C1orf94: variants seen among roughly 807,000 people sequenced by gnomAD.
C1orf94 encodes the protein chromosome 1 open reading frame 94.
A neutral mutation model predicts 53.6 loss-of-function variants in C1orf94; 45 were observed. The observed-to-expected ratio is 0.84, with a 90% CI of 0.66 to 1.08. The LOEUF (loss-of-function observed/expected upper bound fraction) is 1.08. Ranked by LOEUF, C1orf94 falls within the 50% of genes least tolerant of loss-of-function variation. The pLI, the probability that C1orf94 is intolerant of heterozygous loss-of-function variation, is 0.00. For missense variants in C1orf94, 762 were observed against 738.9 expected, an observed-to-expected ratio of 1.03 and a Z score of -0.36; for synonymous variants, 304 against 296.1, an observed-to-expected ratio of 1.03 and a Z score of -0.27.
chr1:34,204,547 C>T (rs1410647588), intron 4 of C1orf94, among the ~76,000 whole-genome samples: 2 of 152,162 alleles, frequency 1.3e-5, no homozygotes, highest in African/African-American at 2.4e-5. Flanking sequence ...TTCATTGATT[C>T]GCTGACTCCT....
At chr1:34,189,344 A>T (rs1322509567) in intron 1 of C1orf94, among the ~76,000 whole-genome samples, 3 of 150,348 alleles carry the variant, frequency 2.0e-5, no homozygotes, top group Admixed American at 6.6e-5. Flanking sequence ...TATGTGCCCG[A>T]GTGTGTGTGT....
In C1orf94 at chr1:34,197,961, C is replaced by G. The variant is rs1317691614; in HGVS notation, c.1009+48C>G. ...TAGAGTGGGCCTGCAAGGAGGAGGT[C>G]CTTCCCAGGAAGCCAATCAGGGCTG... is the stretch of plus-strand genomic sequence containing the variant. On this transcript the variant is annotated intron_variant, in intron 2 of 6. Transcript: ENST00000488417. This position sits in a 1 kb window ranked among gnomAD's most constrained non-coding sequence, Gnocchi z 4.1. The G allele has an allele frequency of 3.3e-6, 5 of 1,531,720 alleles. No homozygotes were observed. Among genetic ancestry groups the G allele is most frequent in the Non-Finnish European group, 4.4e-6 (5 of 1,135,114 alleles). The allele number at this position is 1,531,720 out of a possible 1,614,324, so 94.9% of individuals were successfully genotyped here. A position where few individuals can be genotyped will look rare whatever the true frequency, so the allele number is the denominator to read the frequency against.
At chr1:34,187,672 A>G (rs1642403797) in intron 1 of C1orf94, among the ~76,000 whole-genome samples, 1 of 151,810 alleles carries the variant, frequency 6.6e-6, no homozygotes. Context: ...AATTTGAACA[A>G]TAAGCATCAC....
intron 1 of C1orf94, among the ~76,000 whole-genome samples, chr1:34,191,148 A>T (rs1642473872): frequency 1.3e-5 from 2 of 152,206 alleles, no homozygotes; most frequent in African/African-American, 4.8e-5. Flanking sequence ...ACGTCTTACA[A>T]ATTAGGATGA....
At chr1:34,188,445 GA>G (rs1642421573) in intron 1 of C1orf94, among the ~76,000 whole-genome samples, 1 of 152,198 alleles carries the variant, frequency 6.6e-6, no homozygotes, top group Admixed American at 6.5e-5. Flanking sequence ...GGAGCTGAGA[GA>G]TTTCACGGTG....
At chr1:34,203,257 C>G (rs1464564876) in intron 4 of C1orf94, among the ~76,000 whole-genome samples, 1 of 152,182 alleles carries the variant, frequency 6.6e-6, no homozygotes, top group Admixed American at 6.5e-5. Context: ...CCTACCTCAG[C>G]CTCCCAAGTA....
chr1:34,215,838 T>G (rs961657915), intron 6 of C1orf94, among the ~76,000 whole-genome samples: 7 of 152,068 alleles, frequency 4.6e-5, no homozygotes, highest in African/African-American at 1.4e-4. Flanking sequence ...AAACCCCATC[T>G]CTACTAAAAA....
rs777332430 is a variant in C1orf94 at position 34,212,360 on chromosome 1, C to T, written c.1675C>T (p.Leu559=). Residue 559 remains leucine (L), a synonymous_variant, in exon 6 of 7, where the codon CTA becomes TTA. Transcript: ENST00000488417. ...KMSANPRDPP[L]MAGDGPQYLF... ...GTCTGCCAACCCCCGAGACCCTCCC[C>T]TAATGGCAGGAGATGGACCGCAGTA... The T allele has an allele frequency of 1.2e-6, 2 of 1,613,672 alleles. No individual in the cohort carries two copies. Among genetic ancestry groups the T allele is most frequent in the South Asian group, 1.1e-5 (1 of 91,000 alleles).
At chr1:34,179,234 C>T (rs931930463) in intron 1 of C1orf94, among the ~76,000 whole-genome samples, 3 of 152,260 alleles carry the variant, frequency 2.0e-5, no homozygotes, top group African/African-American at 7.2e-5. Flanking sequence ...AGTCCTGCCT[C>T]CCTGCCCTGT....
In C1orf94 at chr1:34,197,468, G is replaced by T. The variant is rs1444749830; in HGVS notation, c.564G>T (p.Lys188Asn). 3.1e-6 allele frequency: 5 copies of T among 1,613,994 alleles called. No individual in the cohort carries two copies. Among genetic ancestry groups the T allele is most frequent in the Non-Finnish European group, 3.4e-6 (4 of 1,180,012 alleles). Residue 188 changes from lysine (K) to asparagine (N), a missense_variant, in exon 2 of 7, where the codon AAG becomes AAT. Lys to Asn is a moderately conservative substitution (Grantham distance 94). Coordinates refer to ENST00000488417, the MANE Select transcript of C1orf94 (RefSeq NM_001134734.2). The surrounding 1 kb of genome is among the most constrained non-coding windows in gnomAD (Gnocchi z 4.1). ...TCGGAGACAAGCTTCTGAAGCAGAA[G>T]GTGGCCATGCCCGTTATCAGCAGCA... ...IIVGDKLLKQKVAMPVISSRQ... is the reference protein window; with the variant it reads ...IIVGDKLLKQNVAMPVISSRQ...
intron 1 of C1orf94, among the ~76,000 whole-genome samples, chr1:34,189,250 G>C (rs1236438159): frequency 6.6e-6 from 1 of 152,010 alleles, no homozygotes; most frequent in African/African-American, 2.4e-5. Context: ...TGTGGGCATG[G>C]CTGTGGTACG....
chr1:34,207,266 T>G (rs1287560618), intron 4 of C1orf94, among the ~76,000 whole-genome samples: 19 of 8,880 alleles, frequency 2.1e-3, no homozygotes, highest in African/African-American at 5.4e-3. Context: ...CTGCGGGGTG[T>G]GTGTGTGTGT....
chr1:34,179,274 G>A (rs1642277841), intron 1 of C1orf94, among the ~76,000 whole-genome samples: 1 of 152,256 alleles, frequency 6.6e-6, no homozygotes, highest in Non-Finnish European at 1.5e-5. Flanking sequence ...AGACAGGAAT[G>A]GCCCATCTAC....
chr1:34,199,816 A>G (rs561382903), intron 2 of C1orf94, among the ~76,000 whole-genome samples: 3 of 152,002 alleles, frequency 2.0e-5, no homozygotes, highest in Admixed American at 1.3e-4. Flanking sequence ...AGTGACTCAC[A>G]ATGTCTCCTT....
intron 1 of C1orf94, among the ~76,000 whole-genome samples, chr1:34,180,791 G>T (rs1395033303): frequency 2.0e-5 from 3 of 152,096 alleles, no homozygotes; most frequent in African/African-American, 7.2e-5. Context: ...TGGTTTTGGT[G>T]GTGTTTTCTT....
chr1:34,172,499 A>T (rs1642164102), upstream of C1orf94, among the ~76,000 whole-genome samples: 1 of 152,196 alleles, frequency 6.6e-6, no homozygotes, highest in Non-Finnish European at 1.5e-5. Context: ...GCAGATGAAG[A>T]AATGTCAGAG....
At chr1:34,170,281 T>C (rs1642127213) in intron 1 of C1orf94, among the ~76,000 whole-genome samples, 1 of 152,194 alleles carries the variant, frequency 6.6e-6, no homozygotes, top group South Asian at 2.1e-4. Context: ...GACATTCCCA[T>C]GGCCCCTGTC....
chr1:34,218,690 G>C lies in C1orf94; in HGVS notation c.1726G>C (p.Gly576Arg). 1 of 1,611,086 alleles carries C rather than the reference G, an allele frequency of 6.2e-7. No homozygotes were observed. Among genetic ancestry groups the C allele is most frequent in the Non-Finnish European group, 8.5e-7 (1 of 1,178,122 alleles). ...QYLFPQGYGF[G>R]STSGGPLMHS... ...TCCACCCTCCCTCTCTTCCAGGTTCGGCTCGACATCCGGAGGGCCCTTGAT... is the reference window on the plus strand; with the variant it reads ...TCCACCCTCCCTCTCTTCCAGGTTCCGCTCGACATCCGGAGGGCCCTTGAT... Residue 576 changes from glycine (G) to arginine (R), a missense_variant, in exon 7 of 7, where the codon GGC becomes CGC. Transcript: ENST00000488417.
chr1:34,207,262 GGTGTGTGTGT>G (rs58794132), intron 4 of C1orf94, among the ~76,000 whole-genome samples: 36,867 of 147,352 alleles, frequency 0.25, 4,747 homozygotes, highest in Admixed American at 0.33. Context: ...AGTTCTGCGG[GGTGTGTGTGT>G]GTGTGTGTGT....
Sources: gnomAD v4.1 joint callset for allele counts (sites outside exome capture counted in the v4.1 genomes callset) on GRCh38, gnomAD v4.1.1 for gene constraint, Gnocchi (gnomAD v3.1) non-coding constraint, MANE v1.5 for transcripts, NCBI Gene and HGNC (gene_info 2026-07-23, HGNC 2026-07-21) for gene names.